TTC28: variants seen among roughly 807,000 people sequenced by gnomAD.
TTC28 encodes tetratricopeptide repeat domain 28.
A neutral mutation model predicts 198.0 loss-of-function variants in TTC28; 61 were observed. The ratio of observed to expected loss-of-function variants is 0.31; its 90% CI spans 0.25 to 0.38. The LOEUF (loss-of-function observed/expected upper bound fraction) is 0.38, where lower values mean the gene tolerates loss of function less well. Among genes scored for constraint, TTC28 ranks in the 10% least tolerant of loss-of-function variants. The pLI is 1.00. For synonymous variants in TTC28, 1,171 were observed against 1,297.8 expected, an observed-to-expected ratio of 0.90 and a Z score of 2.10; for missense variants, 2,678 against 3,164.0, an observed-to-expected ratio of 0.85 and a Z score of 3.69.
At chr22:27,990,882 T>C in intron 19 of TTC28, 70 bp from the exon 20 acceptor site, 4 of 1,470,066 alleles carry the variant, frequency 2.7e-6, no homozygotes, top group East Asian at 2.5e-5. Context: ...AAGCACAGGC[T>C]GTTATGCAAC....
intron 5 of TTC28, among the ~76,000 whole-genome samples, chr22:28,282,317 T>C (rs748376610): frequency 2.0e-5 from 3 of 152,218 alleles, no homozygotes; most frequent in Non-Finnish European, 2.9e-5. Context: ...GCATATACTA[T>C]ATAAAAATGA....
chr22:28,506,128 G>A (rs1185932376), intron 2 of TTC28, among the ~76,000 whole-genome samples: 3 of 152,142 alleles, frequency 2.0e-5, no homozygotes, highest in East Asian at 3.9e-4. Context: ...GGGTTCTAAA[G>A]ACAGAGTCCT....
Position 28,415,302 on chromosome 22 carries a change from G to A in TTC28, c.382-108659C>T, listed in dbSNP as rs530727485. Among the ~76,000 whole-genome samples the A allele has an allele frequency of 1.1e-4, 17 of 152,106 alleles. No homozygotes were observed. The East Asian group carries it at 3.1e-3, about 28-fold the overall frequency. Reference sequence around the variant, plus strand: ...TGAAAAAAACAGTTATAGCAAAGTGGAGACTATCCCTTGGAGGCATGCAGG... The same window carrying A: ...TGAAAAAAACAGTTATAGCAAAGTGAAGACTATCCCTTGGAGGCATGCAGG... On this transcript the variant is annotated intron_variant, in intron 2 of 22. Coordinates refer to ENST00000397906, the MANE Select transcript of TTC28 (RefSeq NM_001145418.2).
intron 2 of TTC28, among the ~76,000 whole-genome samples, chr22:28,471,153 TAA>T (rs762394283): frequency 2.0e-5 from 3 of 152,228 alleles, no homozygotes; most frequent in Non-Finnish European, 4.4e-5. Context: ...GAATAATTAT[TAA>T]AAGTCTACCA....
intron 3 of TTC28, among the ~76,000 whole-genome samples, chr22:28,304,164 A>G (rs1299434146): frequency 9.2e-5 from 14 of 152,134 alleles, no homozygotes; most frequent in Admixed American, 9.2e-4. Flanking sequence ...GGGCGCCTGT[A>G]GTCCCAGCTA....
intron 2 of TTC28, among the ~76,000 whole-genome samples, chr22:28,342,327 G>C (rs2045844595): frequency 6.6e-6 from 1 of 152,152 alleles, no homozygotes; most frequent in African/African-American, 2.4e-5. Context: ...AACTGAAAGA[G>C]AGTAAGCTGG....
intron 2 of TTC28, among the ~76,000 whole-genome samples, chr22:28,449,546 A>G (rs1454942239): frequency 6.6e-6 from 1 of 152,260 alleles, no homozygotes; most frequent in Non-Finnish European, 1.5e-5. Context: ...AGAATTAAGC[A>G]AATTCCCAAT....
chr22:28,387,768 C>A (rs562719851), intron 2 of TTC28, among the ~76,000 whole-genome samples: 3 of 152,030 alleles, frequency 2.0e-5, no homozygotes, highest in African/African-American at 7.2e-5. Context: ...GAGTAGGTTG[C>A]GAAAATTTTC....
At position 28,444,370 on chromosome 22, in the gene TTC28, A is replaced by C. The variant is rs193175610; in HGVS notation, c.382-137727T>G. On this transcript the variant is annotated intron_variant, in intron 2 of 22. Transcript: ENST00000397906. Reference sequence around the variant, plus strand: ...AATGTGGGAGATTATATGCAGATTGATCACTAACTATATCAGTATAAGTAA... The same window carrying C: ...AATGTGGGAGATTATATGCAGATTGCTCACTAACTATATCAGTATAAGTAA... 5.3e-5 allele frequency among the ~76,000 whole-genome samples: 8 copies of C among 152,338 alleles called. No individual in the cohort carries two copies. In the East Asian group the frequency reaches 1.5e-3, roughly 29 times the overall value.
chr22:28,417,923 G>A (rs149720503), intron 2 of TTC28, among the ~76,000 whole-genome samples: 1 of 152,056 alleles, frequency 6.6e-6, no homozygotes. Context: ...ACTACTCTTT[G>A]GTTTCTCTAA....
intron 2 of TTC28, among the ~76,000 whole-genome samples, chr22:28,504,745 T>C (rs565068398): frequency 6.6e-6 from 1 of 152,240 alleles, no homozygotes; most frequent in East Asian, 1.9e-4. Flanking sequence ...GAAGAAGATA[T>C]GCTCTTAATA....
At chr22:28,639,667 C>G (rs907238611) in intron 1 of TTC28, among the ~76,000 whole-genome samples, 1 of 152,198 alleles carries the variant, frequency 6.6e-6, no homozygotes, top group Non-Finnish European at 1.5e-5. Flanking sequence ...TGCCTGCTGT[C>G]ATCCATGTAA....
intron 2 of TTC28, among the ~76,000 whole-genome samples, chr22:28,497,535 G>C (rs1164898865): frequency 6.6e-6 from 1 of 152,086 alleles, no homozygotes; most frequent in Non-Finnish European, 1.5e-5. Flanking sequence ...ACATAAAGCT[G>C]AATTTGTGAG....
intron 2 of TTC28, among the ~76,000 whole-genome samples, chr22:28,512,432 C>A (rs970130161): frequency 1.3e-5 from 2 of 152,144 alleles, no homozygotes; most frequent in African/African-American, 4.8e-5. Context: ...TGGGTACATA[C>A]CCAAAGGAAT....
chr22:28,335,339 C>T (rs896711879), intron 2 of TTC28, among the ~76,000 whole-genome samples: 1 of 152,176 alleles, frequency 6.6e-6, no homozygotes, highest in Non-Finnish European at 1.5e-5. Context: ...GCAATGCGGG[C>T]TCTTTTTTGG....
chr22:28,593,265 G>A (rs1198947257), intron 2 of TTC28, among the ~76,000 whole-genome samples: 3 of 152,118 alleles, frequency 2.0e-5, no homozygotes, highest in African/African-American at 7.2e-5. Flanking sequence ...TCAGAGGTTC[G>A]TGTTTCAGTT....
intron 2 of TTC28, among the ~76,000 whole-genome samples, chr22:28,376,013 G>C (rs995142740): frequency 1.3e-5 from 2 of 152,152 alleles, no homozygotes; most frequent in African/African-American, 4.8e-5. Context: ...TTCAGACTTG[G>C]ACTGAACTAC....
rs147259940 is a variant in TTC28 at position 28,164,713 on chromosome 22, G to A, written c.934-1114C>T. Among the ~76,000 whole-genome samples the A allele has an allele frequency of 4.6e-4, 70 of 152,204 alleles. 1 individual carries two copies. Among genetic ancestry groups the A allele is most frequent in the African/African-American group, 9.6e-4 (40 of 41,522 alleles). ...GGGGAAAATACAAAGCAGAAAAACCGGAAACTCTAAAAATCAGAGTGCCTC... is the reference window on the plus strand; with the variant it reads ...GGGGAAAATACAAAGCAGAAAAACCAGAAACTCTAAAAATCAGAGTGCCTC... On this transcript the variant is annotated intron_variant, in intron 5 of 22. Transcript: ENST00000397906.
At chr22:28,041,965 A>T (rs1262714313) in intron 12 of TTC28, among the ~76,000 whole-genome samples, 1 of 152,264 alleles carries the variant, frequency 6.6e-6, no homozygotes, top group Non-Finnish European at 1.5e-5. Flanking sequence ...TACAGCCAAC[A>T]GACATATGAA....
Sources: gnomAD v4.1 joint callset for allele counts (sites outside exome capture counted in the v4.1 genomes callset) on GRCh38, gnomAD v4.1.1 for gene constraint, MANE v1.5 for transcripts, NCBI Gene and HGNC (gene_info 2026-07-23, HGNC 2026-07-21) for gene names.